LOXL2: variants seen among roughly 807,000 people sequenced by gnomAD.
The protein encoded by LOXL2 is lysyl oxidase homolog 2.
A neutral mutation model predicts 93.0 loss-of-function variants in LOXL2; 70 were observed. The observed-to-expected ratio is 0.75, with a 90% CI of 0.62 to 0.92. The LOEUF (loss-of-function observed/expected upper bound fraction) is 0.92. Among genes scored for constraint, LOXL2 ranks in the 40% least tolerant of loss-of-function variants. The pLI is 0.00. For missense variants in LOXL2, 973 were observed against 1,054.9 expected (o/e 0.92, Z 1.08); for synonymous variants, 438 against 413.2 (o/e 1.06, Z -0.73).
chr8:23,321,201 C>G (rs539638867), intron 7 of LOXL2, among the ~76,000 whole-genome samples: 5 of 152,276 alleles, frequency 3.3e-5, no homozygotes, highest in Admixed American at 3.3e-4. Context: ...GCTCTGGCTG[C>G]GGAATGTGGC....
Position 23,360,229 on chromosome 8 carries a change from T to A in LOXL2, c.392A>T (p.Asn131Ile). ...IWLDNLHCTG[N>I]EATLAACTSN... ...GGTGCATGCTGCAAGGGTCGCCTCG[T>A]TGCCAGTACAGTGGAGATTGTCTAA... The change falls in exon 3 of 14, where the codon AAC becomes ATC. Residue 131 changes from asparagine to isoleucine, a missense_variant. Physicochemically the swap from Asn to Ile is moderately radical, Grantham distance 149. Transcript: ENST00000389131. 2.5e-6 allele frequency: 4 copies of A among 1,613,766 alleles called. No individual in the cohort carries two copies. Among genetic ancestry groups the A allele is most frequent in the Non-Finnish European group, 2.5e-6 (3 of 1,179,770 alleles).
intron 4 of LOXL2, among the ~76,000 whole-genome samples, chr8:23,334,565 G>A (rs575382631): frequency 6.6e-6 from 1 of 152,302 alleles, no homozygotes; most frequent in Admixed American, 6.5e-5. Flanking sequence ...GTGAGGTTGA[G>A]CTTGTCTCTG....
intron 6 of LOXL2, among the ~76,000 whole-genome samples, chr8:23,327,799 C>G (rs918830769): frequency 4.6e-5 from 7 of 152,210 alleles, no homozygotes; most frequent in Non-Finnish European, 1.0e-4. Context: ...CACTTGAAAG[C>G]CTCCCTTCCG....
At chr8:23,396,417 G>A (rs1585385962) in intron 1 of LOXL2, among the ~76,000 whole-genome samples, 1 of 152,184 alleles carries the variant, frequency 6.6e-6, no homozygotes, top group East Asian at 1.9e-4. Context: ...AGGGCAGGCA[G>A]GATACGGCCA....
intron 1 of LOXL2, among the ~76,000 whole-genome samples, chr8:23,371,937 C>T (rs1173469829): frequency 6.6e-6 from 1 of 151,648 alleles, no homozygotes; most frequent in Admixed American, 6.6e-5. Flanking sequence ...TTATAGGAAT[C>T]ATTGTAAGAA....
chr8:23,327,332 G>A (rs1247884904), intron 6 of LOXL2, among the ~76,000 whole-genome samples: 3 of 152,212 alleles, frequency 2.0e-5, no homozygotes, highest in Admixed American at 1.3e-4. Flanking sequence ...ACCACTGGAT[G>A]TGGTGTGAGG....
chr8:23,327,643 C>G (rs1452292109), intron 6 of LOXL2, among the ~76,000 whole-genome samples: 1 of 152,146 alleles, frequency 6.6e-6, no homozygotes, highest in Non-Finnish European at 1.5e-5. Flanking sequence ...ACTCCTAGAC[C>G]GCACAGTCTG....
At chr8:23,302,454 C>T (rs946064224) in intron 11 of LOXL2, among the ~76,000 whole-genome samples, 1 of 152,056 alleles carries the variant, frequency 6.6e-6, no homozygotes, top group East Asian at 1.9e-4. Flanking sequence ...GGGATAACTG[C>T]GTGTGTGTGG....
At chr8:23,362,427 C>T (rs1394402060) in intron 2 of LOXL2, among the ~76,000 whole-genome samples, 1 of 152,192 alleles carries the variant, frequency 6.6e-6, no homozygotes, top group Non-Finnish European at 1.5e-5. Flanking sequence ...CACTACTGAA[C>T]TGGACACTTA....
chr8:23,316,908 C>G, intron 9 of LOXL2, 41 bp downstream of exon 9: 1 of 1,518,186 alleles, frequency 6.6e-7, no homozygotes. Flanking sequence ...GACTCTGGTC[C>G]CCTTGGGAGC....
chr8:23,311,545 A>G (rs1009828264), intron 9 of LOXL2, among the ~76,000 whole-genome samples: 25 of 152,184 alleles, frequency 1.6e-4, no homozygotes, highest in African/African-American at 6.0e-4. Context: ...GCCAGCTCGC[A>G]AGGCGAGGGA....
chr8:23,301,954 A>T, intron 12 of LOXL2, 73 bp downstream of exon 12: 1 of 1,581,738 alleles, frequency 6.3e-7, no homozygotes, highest in African/African-American at 1.3e-5. Context: ...GTGGACACCA[A>T]TGGGAAGGAG....
At chr8:23,323,446 G>A (rs968999463) in intron 6 of LOXL2, among the ~76,000 whole-genome samples, 2 of 152,210 alleles carry the variant, frequency 1.3e-5, no homozygotes, top group Non-Finnish European at 2.9e-5. Flanking sequence ...CTCCACCTAA[G>A]GAGAAGCCTG....
chr8:23,402,570 C>T (rs1800165921), intron 1 of LOXL2: 1 of 152,246 alleles, frequency 6.6e-6, no homozygotes. Context: ...TCCTCTTCCA[C>T]CCTAAACCCC....
chr8:23,386,002 T>G, intron 1 of LOXL2: 1 of 765,300 alleles, frequency 1.3e-6, no homozygotes, highest in Non-Finnish European at 2.4e-6. Context: ...CAACACAGCT[T>G]TGGACAACCC....
At chr8:23,307,704 C>T (rs11994311) in intron 10 of LOXL2, among the ~76,000 whole-genome samples, 30 of 152,294 alleles carry the variant, frequency 2.0e-4, no homozygotes, top group African/African-American at 6.5e-4. Context: ...TCCACCCACA[C>T]GTTCCCCGAA....
intron 2 of LOXL2, among the ~76,000 whole-genome samples, chr8:23,361,276 T>C (rs1352835447): frequency 6.6e-6 from 1 of 152,092 alleles, no homozygotes; most frequent in African/African-American, 2.4e-5. Context: ...AGTGGCATGA[T>C]TATCCCACCA....
intron 1 of LOXL2, among the ~76,000 whole-genome samples, chr8:23,403,634 C>A (rs1800179810): frequency 6.6e-6 from 1 of 152,148 alleles, no homozygotes; most frequent in African/African-American, 2.4e-5. Context: ...CCAGCACACA[C>A]CGAGACTTGA....
intron 1 of LOXL2, among the ~76,000 whole-genome samples, chr8:23,395,038 G>A (rs1323964118): frequency 2.0e-5 from 3 of 152,212 alleles, no homozygotes; most frequent in Non-Finnish European, 2.9e-5. Flanking sequence ...GGCGGATCAC[G>A]AGGTCAAGAG....
Sources: allele counts gnomAD v4.1 joint callset (sites outside exome capture counted in the v4.1 genomes callset), GRCh38; gene constraint gnomAD v4.1.1; transcripts MANE v1.5; gene names NCBI Gene and HGNC (gene_info 2026-07-23, HGNC 2026-07-21).